Variants in TTN observed in about 807,000 individuals in gnomAD.
The protein encoded by TTN is connectin.
TTN carries 1,525 observed loss-of-function variants against 3,223.0 expected under a neutral mutation model. The observed-to-expected ratio is 0.47, with a 90% confidence interval of 0.45 to 0.49. The LOEUF (loss-of-function observed/expected upper bound fraction) is 0.49, where lower values mean the gene tolerates loss of function less well. Among genes scored for constraint, TTN ranks in the 20% least tolerant of loss-of-function variants. The pLI is 0.00. For synonymous variants in TTN, 14,094 were observed against 15,161.0 expected (o/e 0.93, Z 5.17); for missense variants, 40,786 against 43,424.0 (o/e 0.94, Z 5.40).
chr2:178,748,276 C>G lies in TTN; in HGVS notation c.11311+4848G>C. 1.9e-6 allele frequency: 3 copies of G among 1,612,812 alleles called. No homozygotes were observed. In the East Asian group the frequency reaches 6.7e-5, roughly 36 times the overall value. On this transcript the variant is annotated intron_variant, in intron 47 of 362. Transcript: ENST00000589042. ...TTTTTAAAATGTCTAAGTTTTGTTC[C>G]TGTACATGTCGGACTTCTTTTTCTA...
intron 6 of TTN, chr2:178,798,536 G>T: frequency 6.6e-6 from 1 of 152,070 alleles, no homozygotes; most frequent in Non-Finnish European, 1.5e-5. Flanking sequence ...CTGAATATAA[G>T]AATATTGGCA....
At position 178,527,312 on chromosome 2, in the gene TTN, A is replaced by T. The variant is rs1335140125; in HGVS notation, c.107681-5T>A. 6.3e-7 allele frequency: 1 copy of T among 1,585,496 alleles called. No homozygotes were observed. Among genetic ancestry groups the T allele is most frequent in the Admixed American group, 1.8e-5 (1 of 55,072 alleles). On this transcript the variant is annotated splice_region_variant and splice_polypyrimidine_tract_variant and intron_variant, in intron 362 of 362. Coordinates refer to ENST00000589042, the MANE Select transcript of TTN (RefSeq NM_001267550.2). ...CTTCAATTTTAGGCGGAATTCCTTT[A>T]TGGAACAATGACAAAAAAAAGGTCT...
In TTN at chr2:178,551,952, A is replaced by G. The variant is rs1699612107; in HGVS notation, c.90948T>C (p.Ile30316=). The change falls in exon 335 of 363, where the codon ATT becomes ATC. Residue 30316 remains isoleucine (I), a synonymous_variant. Coordinates refer to ENST00000589042, the MANE Select transcript of TTN (RefSeq NM_001267550.2). The part of the protein sequence containing the change: ...GVSQPLVSSI[I]VAKHQFRIPG... Reference sequence around the variant, plus strand: ...GAATCCTGAACTGGTGTTTTGCCACAATAATGCTTGAGACAAGTGGTTGGC... The same window carrying G: ...GAATCCTGAACTGGTGTTTTGCCACGATAATGCTTGAGACAAGTGGTTGGC... 6.2e-7 allele frequency: 1 copy of G among 1,612,688 alleles called. No individual in the cohort carries two copies. The highest frequency in any genetic ancestry group is 1.7e-5 in the Admixed American group (1 of 59,970).
chr2:178,613,915 G>A lies in TTN; in HGVS notation c.49368C>T (p.Arg16456=). 2 of 1,608,532 alleles carry A rather than the reference G, an allele frequency of 1.2e-6. No homozygotes were observed. The highest frequency in any genetic ancestry group is 1.1e-5 in the South Asian group (1 of 90,198). Residue 16456 remains arginine, a synonymous_variant, in exon 263 of 363, where the codon CGC becomes CGT. Coordinates refer to ENST00000589042, the MANE Select transcript of TTN (RefSeq NM_001267550.2). The part of the protein sequence containing the change: ...YQFDPPGPPT[R]LEPSDITKDA... ...CTTTAGTGATATCAGAAGGTTCTAG[G>A]CGAGTTGGAGGACCAGGTGGATCTA...
chr2:178,764,701 A>G lies in TTN; in HGVS notation c.9814T>C (p.Trp3272Arg). 1.9e-6 allele frequency: 3 copies of G among 1,614,152 alleles called. No homozygotes were observed. The highest frequency in any genetic ancestry group is 2.5e-6 in the Non-Finnish European group (3 of 1,180,004). The change falls in exon 42 of 363, where the codon TGG (tryptophan) becomes CGG (arginine). Residue 3272 changes from tryptophan (W) to arginine (R), a missense_variant. By Grantham distance (101) the Trp-to-Arg change is moderately radical. Transcript: ENST00000589042. ...GAAAGCAGCTGCTCTTCCTTGTACC[A>G]GGAAATTTTGGGCTGTGGTCTTCCG... is the stretch of plus-strand genomic sequence containing the variant. Reference protein sequence around the residue: ...ISGRPQPKISWYKEEQLLSTG... With the variant: ...ISGRPQPKISRYKEEQLLSTG...
In TTN at chr2:178,564,224, G is replaced by A; in HGVS notation, c.81908C>T (p.Pro27303Leu). Residue 27303 changes from proline to leucine, a missense_variant, in exon 326 of 363, where the codon CCT becomes CTT. Physicochemically the swap from Pro to Leu is moderately conservative, Grantham distance 98 (BLOSUM62 -3). Coordinates refer to ENST00000589042, the MANE Select transcript of TTN (RefSeq NM_001267550.2). ...TTTTGACCAAACAACATCAGGTATA[G>A]GTTTGCCACGGATGTCGGCTTCAAG... ...FVLEADIRGK[P>L]IPDVVWSKDG... 1.9e-6 allele frequency: 3 copies of A among 1,613,418 alleles called. No individual in the cohort carries two copies. Among genetic ancestry groups the A allele is most frequent in the Non-Finnish European group, 2.5e-6 (3 of 1,179,778 alleles).
intron 335 of TTN, 80 bp from the exon 336 acceptor site, chr2:178,551,340 A>G: frequency 9.1e-7 from 1 of 1,104,268 alleles, no homozygotes; most frequent in Non-Finnish European, 1.2e-6. Context: ...CAATACAATT[A>G]TTCTATAATT....
At position 178,652,686 on chromosome 2, in the gene TTN, G is replaced by C; in HGVS notation, c.39010C>G (p.Pro13004Ala). The change falls in exon 201 of 363, where the codon CCT (proline) becomes GCT (alanine). Residue 13004 changes from proline to alanine, a missense_variant. Physicochemically the swap from Pro to Ala is conservative, Grantham distance 27. Coordinates refer to ENST00000589042, the MANE Select transcript of TTN (RefSeq NM_001267550.2). Reference protein sequence around the residue: ...VVPEKKVPSAPPKKPEVPPVK... With the variant: ...VVPEKKVPSAAPKKPEVPPVK... ...GGTGGGACTTCAGGCTTTTTAGGAG[G>C]AGCCGAGGGCACTTTCTTTTCAGGA... 5 of 1,613,428 alleles carry C rather than the reference G, an allele frequency of 3.1e-6. No homozygotes were observed. Among genetic ancestry groups the C allele is most frequent in the Non-Finnish European group, 4.2e-6 (5 of 1,179,570 alleles).
chr2:178,663,546 G>A, intron 171 of TTN, 30 bp from the exon 172 acceptor site: 1 of 1,613,514 alleles, frequency 6.2e-7, no homozygotes, highest in East Asian at 2.2e-5. Context: ...ATTACATTTA[G>A]GCATTATGAA....
rs773819237 is a variant in TTN at position 178,578,994 on chromosome 2, T to A, written c.68036A>T (p.Tyr22679Phe). The change falls in exon 320 of 363, where the codon TAT (tyrosine) becomes TTT (phenylalanine). Residue 22679 changes from tyrosine to phenylalanine, a missense_variant. Physicochemically the swap from Tyr to Phe is conservative, Grantham distance 22. Coordinates refer to ENST00000589042, the MANE Select transcript of TTN (RefSeq NM_001267550.2). ...CACAGAATCCCTCTTCTCTAGGATA[T>A]AGTTGGTGATTTCAGAACCTCCATC... The part of the protein sequence containing the change: ...KDDGGSEITN[Y>F]ILEKRDSVNN... 6.2e-7 allele frequency: 1 copy of A among 1,613,236 alleles called. No homozygotes were observed. The highest frequency in any genetic ancestry group is 2.2e-5 in the East Asian group (1 of 44,724).
intron 41 of TTN, among the ~76,000 whole-genome samples, chr2:178,765,235 T>C (rs921083083): frequency 6.6e-6 from 1 of 152,232 alleles, no homozygotes; most frequent in South Asian, 2.1e-4. Flanking sequence ...TTGCAAGTAT[T>C]TGTGTTTATG....
Position 178,574,861 on chromosome 2 carries a change from T to C in TTN, c.71271A>G (p.Val23757=). 1.2e-6 allele frequency: 2 copies of C among 1,613,092 alleles called. No individual in the cohort carries two copies. The highest frequency in any genetic ancestry group is 1.7e-6 in the Non-Finnish European group (2 of 1,179,558). Residue 23757 remains valine (V), a synonymous_variant, in exon 326 of 363, where the codon GTA becomes GTG. Transcript: ENST00000589042. The part of the protein sequence containing the change: ...SWDPPENDGG[V]PISNYVVEMR... ...TTTCCACTACATAGTTGCTTATTGG[T>C]ACACCACCATCGTTCTCAGGTGGGT...
Position 178,576,063 on chromosome 2 carries a change from TAAC to T in TTN, c.70066_70068del (p.Val23356del). On this transcript the variant is annotated inframe_deletion, in exon 326 of 363. Coordinates refer to ENST00000589042, the MANE Select transcript of TTN (RefSeq NM_001267550.2). This position sits in a 1 kb window ranked among gnomAD's most constrained non-coding sequence, Gnocchi z 4.3. ...AATATCCTAATACTGAGTCCTGCTC[TAAC>T]AACAAGTGTTCTTCGAAGCTCGGCA... is the stretch of plus-strand genomic sequence containing the variant. The T allele has an allele frequency of 6.2e-7, 1 of 1,613,586 alleles. No individual in the cohort carries two copies. Among genetic ancestry groups the T allele is most frequent in the Non-Finnish European group, 8.5e-7 (1 of 1,179,620 alleles).
chr2:178,589,293 T>C lies in TTN; in HGVS notation c.62432A>G (p.Asp20811Gly), dbSNP rs72646849. 1.1e-4 allele frequency: 176 copies of C among 1,613,298 alleles called. No individual in the cohort carries two copies. In the African/African-American group the frequency reaches 2.1e-3, roughly 20 times the overall value. Residue 20811 changes from aspartate to glycine, a missense_variant, in exon 304 of 363, where the codon GAC becomes GGC. By Grantham distance (94) the Asp-to-Gly change is moderately conservative (BLOSUM62 -1). Coordinates refer to ENST00000589042, the MANE Select transcript of TTN (RefSeq NM_001267550.2). ...CTTGACCCTTGGTGATCTTGTTAAG[T>C]CTGTAGCGTCTTTGTCCTTGGTCCA... is the stretch of plus-strand genomic sequence containing the variant. ...VAWTKDKDAT[D>G]LTRSPRVKID...
rs1466869489 is a variant in TTN at position 178,775,900 on chromosome 2, T to C, written c.5964A>G (p.Glu1988=). 1.9e-6 allele frequency: 3 copies of C among 1,614,058 alleles called. No individual in the cohort carries two copies. Among genetic ancestry groups the C allele is most frequent in the African/African-American group, 2.7e-5 (2 of 74,934 alleles). Residue 1988 remains glutamate (E), a synonymous_variant, in exon 28 of 363, where the codon GAA becomes GAG. Coordinates refer to ENST00000589042, the MANE Select transcript of TTN (RefSeq NM_001267550.2). ...KLKRAERITH[E]KVPEESEELR... ...GCTCTTCCGACTCTTCAGGCACTTT[T>C]TCATGGGTAATTCTTTCAGCCCTTT...
At position 178,633,058 on chromosome 2, in the gene TTN, G is replaced by A; in HGVS notation, c.43087-14C>T. 6.2e-7 allele frequency: 1 copy of A among 1,608,140 alleles called. No homozygotes were observed. Among genetic ancestry groups the A allele is most frequent in the Non-Finnish European group, 8.5e-7 (1 of 1,177,594 alleles). ...GATTTCACAGTCCTGTTTGGAGTGA[G>A]GGTTAGAAGGAAAGAAAGAACATCA... On this transcript the variant is annotated splice_polypyrimidine_tract_variant and intron_variant, in intron 233 of 362. Coordinates refer to ENST00000589042, the MANE Select transcript of TTN (RefSeq NM_001267550.2).
chr2:178,565,982 T>C lies in TTN; in HGVS notation c.80150A>G (p.Asn26717Ser), dbSNP rs538799672. Residue 26717 changes from asparagine (N) to serine (S), a missense_variant, in exon 326 of 363, where the codon AAC (asparagine) becomes AGC (serine). Transcript: ENST00000589042. ...TGACTCACGTTTGTCAATCACATAGTTCTTGACCTTTGCCCCTCCATCAAT... is the reference window on the plus strand; with the variant it reads ...TGACTCACGTTTGTCAATCACATAGCTCTTGACCTTTGCCCCTCCATCAAT... Reference protein sequence around the residue: ...PIIDGGAKVKNYVIDKRESTR... With the variant: ...PIIDGGAKVKSYVIDKRESTR... The C allele has an allele frequency of 1.2e-6, 2 of 1,613,610 alleles. No homozygotes were observed. Among genetic ancestry groups the C allele is most frequent in the East Asian group, 4.5e-5 (2 of 44,834 alleles).
intron 10 of TTN, among the ~76,000 whole-genome samples, chr2:178,791,688 T>C (rs1336493548): frequency 3.0e-5 from 4 of 133,854 alleles, no homozygotes; most frequent in East Asian, 4.0e-4. Flanking sequence ...TGTGTGTGTG[T>C]GCATGTGTGT....
rs1706876007 is a variant in TTN, at chr2:178,568,604, C to T, written c.77528G>A (p.Arg25843Lys). ...KDGLPLKQTT[R>K]INVTDSLDLT... ...ATCCAGTGAATCGGTAACATTGATT[C>T]TTGTGGTCTGCTTCAGTGGGAGACC... The change falls in exon 326 of 363, where the codon AGA (arginine) becomes AAA (lysine). Residue 25843 changes from arginine to lysine, a missense_variant. Physicochemically the swap from Arg to Lys is conservative, Grantham distance 26. Coordinates refer to ENST00000589042, the MANE Select transcript of TTN (RefSeq NM_001267550.2). 1.9e-6 allele frequency: 3 copies of T among 1,613,258 alleles called. No individual in the cohort carries two copies. Among genetic ancestry groups the T allele is most frequent in the Non-Finnish European group, 2.5e-6 (3 of 1,179,544 alleles).
Sources: allele counts gnomAD v4.1 joint callset (sites outside exome capture counted in the v4.1 genomes callset), GRCh38; gene constraint gnomAD v4.1.1; non-coding constraint Gnocchi (gnomAD v3.1); transcripts MANE v1.5; gene names NCBI Gene and HGNC (gene_info 2026-07-23, HGNC 2026-07-21).